Variants in GAPDHS observed in about 807,000 individuals in gnomAD.
GAPDHS encodes the protein glyceraldehyde-3-phosphate dehydrogenase, spermatogenic, also known as glyceraldehyde-3-phosphate dehydrogenase, testis-specific.
GAPDHS carries 42 observed loss-of-function variants against 48.7 expected under a neutral mutation model. The observed-to-expected ratio is 0.86, with a 90% CI of 0.67 to 1.12. The LOEUF is 1.12. Ranked by LOEUF, GAPDHS falls within the 50% of genes most tolerant of loss-of-function variation. The pLI, the probability that GAPDHS is intolerant of heterozygous loss-of-function variation, is 0.00. For missense variants in GAPDHS, 512 were observed against 557.7 expected, an observed-to-expected ratio of 0.92 and a Z score of 0.82; for synonymous variants, 166 against 219.1, an observed-to-expected ratio of 0.76 and a Z score of 2.14.
chr19:35,542,551 T>C lies in GAPDHS; in HGVS notation c.602T>C (p.Met201Thr), dbSNP rs1435312961. 1 of 1,614,064 alleles carries C rather than the reference T, an allele frequency of 6.2e-7. No individual in the cohort carries two copies. The highest frequency in any genetic ancestry group is 1.3e-5 in the African/African-American group (1 of 75,026). ...TCCGCGCCCTCACCGGATGCACCAA[T>C]GTTCGTCATGGGTGTCAATGAAAAT... Reference protein sequence around the residue: ...VISAPSPDAPMFVMGVNENDY... With the variant: ...VISAPSPDAPTFVMGVNENDY... Residue 201 changes from methionine to threonine, a missense_variant, in exon 6 of 11, where the codon ATG becomes ACG. Met to Thr is a moderately conservative substitution (Grantham distance 81, BLOSUM62 -1). Coordinates refer to ENST00000222286, the MANE Select transcript of GAPDHS (RefSeq NM_014364.5).
chr19:35,533,637 TAGTGGGGAGCGTCTGCACCCTCAC>T lies in GAPDHS; in HGVS notation c.67+45_67+68del, dbSNP rs1333694847. On this transcript the variant is annotated intron_variant, in intron 1 of 10. Coordinates refer to ENST00000222286, the MANE Select transcript of GAPDHS (RefSeq NM_014364.5). ...GGGCGCGGGGGAGGGGTGGAAAGGG[TAGTGGGGAGCGTCTGCACCCTCAC>T]ACCTGTGCCGTATCCCTACCGCCCT... The T allele has an allele frequency of 2.0e-6, 3 of 1,493,986 alleles. No individual in the cohort carries two copies. In the Admixed American group the frequency reaches 5.1e-5, roughly 25 times the overall value. 92.5% of individuals were successfully genotyped at this position (1,493,986 alleles called of 1,614,324 possible).
At chr19:35,544,732 CCTTGGTCATACCCTGCA>C in intron 9 of GAPDHS, 160 bp from the exon 10 acceptor site, 1 of 623,336 alleles carries the variant, frequency 1.6e-6, no homozygotes, top group Non-Finnish European at 2.9e-6. Flanking sequence ...TGACACAGTG[CCTTGGTCATACCCTGCA>C]CTTGGTCATA....
intron 1 of GAPDHS, among the ~76,000 whole-genome samples, chr19:35,534,552 A>G (rs1406514541): frequency 1.3e-5 from 2 of 151,826 alleles, no homozygotes; most frequent in Non-Finnish European, 2.9e-5. Context: ...GGGGGACCCC[A>G]CCCCTACAGT....
Position 35,543,473 on chromosome 19 carries a change from T to A in GAPDHS, c.875T>A (p.Val292Asp). 6.2e-7 allele frequency: 1 copy of A among 1,605,420 alleles called. No homozygotes were observed. Among genetic ancestry groups the A allele is most frequent in the Non-Finnish European group, 8.5e-7 (1 of 1,177,578 alleles). ...STGAAKAVTK[V>D]IPELKGKLTG... ...GGGGCTGCGAAAGCTGTGACCAAAG[T>A]CATCCCAGAGCTCAAAGGGTATGAG... Residue 292 changes from valine (V) to aspartate (D), a missense_variant, in exon 8 of 11, where the codon GTC becomes GAC. By Grantham distance (152) the Val-to-Asp change is radical. Transcript: ENST00000222286.
chr19:35,540,671 A>T (rs892435497), intron 4 of GAPDHS: 3 of 151,150 alleles, frequency 2.0e-5, no homozygotes, highest in African/African-American at 7.3e-5. Context: ...TCTCCCTCTC[A>T]CTCCCCTCCC....
At chr19:35,544,016 C>A in intron 9 of GAPDHS, 189 bp downstream of exon 9, 1 of 1,096,528 alleles carries the variant, frequency 9.1e-7, no homozygotes, top group Non-Finnish European at 1.2e-6. Context: ...GGTGACCATA[C>A]AGTCTGTCCT....
At position 35,545,173 on chromosome 19, in the gene GAPDHS, C is replaced by T. The variant is rs752166603; in HGVS notation, c.*3C>T. 12 of 1,610,844 alleles carry T rather than the reference C, an allele frequency of 7.4e-6. No homozygotes were observed. The Admixed American group carries it at 1.8e-4, about 25-fold the overall frequency. On this transcript the variant is annotated 3_prime_UTR_variant, in exon 11 of 11. Transcript: ENST00000222286. ...ACATGTTCAGCCGAGACAAGTGAAA[C>T]GGGAAGGTCCTTTCTTTCCTTCCCA... is the stretch of plus-strand genomic sequence containing the variant.
chr19:35,537,121 G>A lies in GAPDHS; in HGVS notation c.245+131G>A, dbSNP rs140820868. ...TCCGACGACCCTGGAGAAATAGCCC[G>A]GAGCAAGGCAGACAGGGCCCCATGC... On this transcript the variant is annotated intron_variant, in intron 2 of 10. Coordinates refer to ENST00000222286, the MANE Select transcript of GAPDHS (RefSeq NM_014364.5). The A allele has an allele frequency of 5.8e-4, 411 of 712,936 alleles. 1 individual carries two copies. The highest frequency in any genetic ancestry group is 5.7e-3 in the African/African-American group (320 of 56,262). 44.2% of individuals were successfully genotyped at this position (712,936 alleles called of 1,614,324 possible).
Position 35,538,289 on chromosome 19 carries a change from C to A in GAPDHS, c.246-18C>A, listed in dbSNP as rs749822570. On this transcript the variant is annotated intron_variant, in intron 2 of 10. Transcript: ENST00000222286. ...TTACCCCCTTCTCTCCCATCCCTTC[C>A]TGTCTGTCCCTGGCCAGATTTGGAC... 1 of 1,586,790 alleles carries A rather than the reference C, an allele frequency of 6.3e-7. No individual in the cohort carries two copies. The highest frequency in any genetic ancestry group is 1.1e-5 in the South Asian group (1 of 89,628).
chr19:35,534,710 T>G (rs1192169399), intron 1 of GAPDHS, among the ~76,000 whole-genome samples: 1 of 152,032 alleles, frequency 6.6e-6, no homozygotes, highest in Non-Finnish European at 1.5e-5. Context: ...CCCCCAAGGA[T>G]GCAAACATCC....
Position 35,536,926 on chromosome 19 carries a change from C to T in GAPDHS, c.181C>T (p.His61Tyr). The change falls in exon 2 of 11, where the codon CAC becomes TAC. Residue 61 changes from histidine (H) to tyrosine (Y), a missense_variant. Coordinates refer to ENST00000222286, the MANE Select transcript of GAPDHS (RefSeq NM_014364.5). The stretch of plus-strand genomic sequence containing the variant: ...GCCACCACCGCCACCACTGCCTCCT[C>T]ACCCCGCTACTCCTCCTCCTAAGAT... Reference protein sequence around the residue: ...IKPPPPPLPPHPATPPPKMVS... With the variant: ...IKPPPPPLPPYPATPPPKMVS... 1 of 1,614,160 alleles carries T rather than the reference C, an allele frequency of 6.2e-7. No individual in the cohort carries two copies. Among genetic ancestry groups the T allele is most frequent in the East Asian group, 2.2e-5 (1 of 44,884 alleles).
Position 35,537,396 on chromosome 19 carries a change from G to A in GAPDHS, c.245+406G>A, listed in dbSNP as rs145568882. ...GGCAGCGGGACAAGCAATGATTCTG[G>A]GGCAGAGGCGAGCTCAGTATGTTCA... On this transcript the variant is annotated intron_variant, in intron 2 of 10. Coordinates refer to ENST00000222286, the MANE Select transcript of GAPDHS (RefSeq NM_014364.5). 3.3e-5 allele frequency among the ~76,000 whole-genome samples: 5 copies of A among 152,266 alleles called. No individual in the cohort carries two copies. The East Asian group carries it at 9.7e-4, about 29-fold the overall frequency.
rs931134747 is a variant in GAPDHS at position 35,538,652 on chromosome 19, G to C, written c.418G>C (p.Val140Leu). ...SVEFRNGQLV[V>L]DNHEISVYQC... is the part of the protein sequence containing the mutation. ...GGAATTCAGGAATGGACAACTGGTC[G>C]TGGACAACCATGAGATCTCTGTCTA... Residue 140 changes from valine to leucine, a missense_variant, in exon 4 of 11, where the codon GTG becomes CTG. Physicochemically the swap from Val to Leu is conservative, Grantham distance 32. Coordinates refer to ENST00000222286, the MANE Select transcript of GAPDHS (RefSeq NM_014364.5). The C allele has an allele frequency of 6.2e-7, 1 of 1,607,476 alleles. No individual in the cohort carries two copies.
At chr19:35,543,200 G>A (rs2071517753) in intron 7 of GAPDHS, 140 bp from the exon 8 acceptor site, 3 of 1,109,552 alleles carry the variant, frequency 2.7e-6, no homozygotes, top group Non-Finnish European at 4.1e-6. Context: ...CTGGACCCTG[G>A]CCTGCACACA....
At chr19:35,537,949 G>T (rs764600601) in intron 2 of GAPDHS, among the ~76,000 whole-genome samples, 1 of 152,120 alleles carries the variant, frequency 6.6e-6, no homozygotes, top group East Asian at 1.9e-4. Flanking sequence ...GGTGGTACGC[G>T]CCTGTAGTCC....
At chr19:35,536,527 G>C (rs973415549) in intron 1 of GAPDHS, among the ~76,000 whole-genome samples, 12 of 151,858 alleles carry the variant, frequency 7.9e-5, no homozygotes, top group Admixed American at 6.6e-4. Flanking sequence ...AGTAAGCCAA[G>C]ATCAGTCCAC....
Position 35,533,913 on chromosome 19 carries a change from G to C in GAPDHS, c.67+319G>C, listed in dbSNP as rs1482803911. ...GCGGGAAGTGGGCGGGCTTAGGAGG[G>C]GCTTAGGGAGAACCCAGGGGTGCTG... is the stretch of plus-strand genomic sequence containing the variant. On this transcript the variant is annotated intron_variant, in intron 1 of 10. Transcript: ENST00000222286. Among the ~76,000 whole-genome samples, 3 of 152,312 alleles carry C rather than the reference G, an allele frequency of 2.0e-5. No individual in the cohort carries two copies. The East Asian group carries it at 5.8e-4, about 29-fold the overall frequency.
chr19:35,534,184 C>G (rs915327174), intron 1 of GAPDHS, among the ~76,000 whole-genome samples: 1 of 107,824 alleles, frequency 9.3e-6, no homozygotes, highest in South Asian at 3.8e-4. Context: ...GCGGCGCGCC[C>G]GCGCGCGCGC....
chr19:35,538,669 CTCTG>C lies in GAPDHS; in HGVS notation c.439_442del (p.Val147ThrfsTer69). The C allele has an allele frequency of 6.3e-7, 1 of 1,582,618 alleles. No individual in the cohort carries two copies. The highest frequency in any genetic ancestry group is 8.7e-7 in the Non-Finnish European group (1 of 1,151,192). ...AACTGGTCGTGGACAACCATGAGAT[CTCTG>C]TCTACCAGTGGTAAGGAAAGCATCT... On this transcript the variant is annotated frameshift_variant, in exon 4 of 11. Transcript: ENST00000222286. LOFTEE classifies it high-confidence loss of function.
Sources: allele counts gnomAD v4.1 joint callset (sites outside exome capture counted in the v4.1 genomes callset), GRCh38; gene constraint gnomAD v4.1.1; transcripts MANE v1.5; gene names NCBI Gene and HGNC (gene_info 2026-07-23, HGNC 2026-07-21).